The following NDUFA10 variants were observed in gnomAD, a reference collection of about 807,000 sequenced individuals.
The protein encoded by NDUFA10 is NADH dehydrogenase [ubiquinone] 1 alpha subcomplex subunit 10, mitochondrial.
In NDUFA10, 40 loss-of-function variants were observed where a neutral mutation model predicts 47.8. That is an observed-to-expected ratio of 0.84 (90% CI 0.65 to 1.09). The LOEUF (loss-of-function observed/expected upper bound fraction) is 1.09. Ranked by LOEUF, NDUFA10 falls within the 50% of genes least tolerant of loss-of-function variation. The pLI, the probability that NDUFA10 is intolerant of heterozygous loss-of-function variation, is 0.00. For synonymous variants in NDUFA10, 183 were observed against 172.2 expected, an observed-to-expected ratio of 1.06 and a Z score of -0.49; for missense variants, 413 against 451.1, an observed-to-expected ratio of 0.92 and a Z score of 0.76.
chr2:239,971,527 C>T (rs557437639), intron 9 of NDUFA10, among the ~76,000 whole-genome samples: 2 of 152,330 alleles, frequency 1.3e-5, no homozygotes, highest in South Asian at 2.1e-4. Context: ...ATCATTGATA[C>T]ACTTACTGAT....
At chr2:239,978,152 C>T (rs372954005) in intron 9 of NDUFA10, among the ~76,000 whole-genome samples, 17 of 152,304 alleles carry the variant, frequency 1.1e-4, no homozygotes, top group East Asian at 3.9e-4. Flanking sequence ...GCTCCATCAA[C>T]GGTCCCATTC....
At chr2:240,005,063 A>G (rs1301140540) in intron 8 of NDUFA10, 147 bp downstream of exon 8, 1 of 725,934 alleles carries the variant, frequency 1.4e-6, no homozygotes, top group African/African-American at 1.8e-5. Context: ...GGGATTCAGG[A>G]GCTGTTTGGA....
In NDUFA10 at chr2:239,981,997, T is replaced by C. The variant is rs1234919877; in HGVS notation, c.999+8077A>G. On this transcript the variant is annotated intron_variant, in intron 9 of 9. Coordinates refer to ENST00000252711, the MANE Select transcript of NDUFA10 (RefSeq NM_004544.4). ...ATGAAAAGGCATCCATGGCCTCCAC[T>C]TGCTCCAGGAAATAACCGGCTGCCA... 7 of 1,370,968 alleles carry C rather than the reference T, an allele frequency of 5.1e-6. No homozygotes were observed. In the East Asian group the frequency reaches 1.5e-4, roughly 29 times the overall value. 84.9% of individuals were successfully genotyped at this position (1,370,968 alleles called of 1,614,324 possible). A position where few individuals can be genotyped will look rare whatever the true frequency, so the allele number is the denominator to read the frequency against.
At chr2:240,017,484 G>A (rs1311207223) in intron 4 of NDUFA10, among the ~76,000 whole-genome samples, 1 of 152,162 alleles carries the variant, frequency 6.6e-6, no homozygotes, top group Non-Finnish European at 1.5e-5. Context: ...AAAGCACCCA[G>A]GAGTAATGCT....
intron 9 of NDUFA10, 68 bp downstream of exon 9, chr2:239,990,006 T>C: frequency 8.9e-7 from 1 of 1,127,498 alleles, no homozygotes; most frequent in South Asian, 1.2e-5. Context: ...TCTGGAGAAG[T>C]GACTGCATTG....
chr2:239,899,049 T>A lies in NDUFA10; in HGVS notation c.295-3735A>T, dbSNP rs1233527623. Among the ~76,000 whole-genome samples the A allele has an allele frequency of 4.5e-4, 19 of 41,848 alleles. 1 individual carries two copies. The highest frequency in any genetic ancestry group is 1.1e-3 in the East Asian group (1 of 890). 27.5% of individuals were successfully genotyped at this position (41,848 alleles called of 152,430 possible). On this transcript the variant is annotated intron_variant, in intron 4 of 5. Coordinates refer to the NDUFA10 transcript ENST00000419408. ...GGAGGGGTGTAAAGGAGGGGTGTGA[T>A]GGAGGAGTGTGATGGAGGGGTGTGA...
chr2:239,983,296 G>A (rs1167206417), intron 9 of NDUFA10, among the ~76,000 whole-genome samples: 2 of 152,116 alleles, frequency 1.3e-5, no homozygotes, highest in Non-Finnish European at 2.9e-5. Flanking sequence ...AAACCCAGAG[G>A]GGCTTTGTTC....
intron 5 of NDUFA10, chr2:240,013,366 T>C (rs1375015220): frequency 2.6e-5 from 4 of 152,194 alleles, no homozygotes; most frequent in Non-Finnish European, 5.9e-5. Flanking sequence ...ACTTTAGACC[T>C]CAGAATTATT....
At chr2:239,984,344 T>C (rs940195584) in intron 9 of NDUFA10, among the ~76,000 whole-genome samples, 1 of 152,226 alleles carries the variant, frequency 6.6e-6, no homozygotes, top group Non-Finnish European at 1.5e-5. Context: ...GGATGTGAGA[T>C]ATGAGAGCTC....
intron 4 of NDUFA10, among the ~76,000 whole-genome samples, chr2:239,935,843 G>A (rs1694257732): frequency 6.6e-6 from 1 of 152,306 alleles, no homozygotes; most frequent in Non-Finnish European, 1.5e-5. Context: ...GGCCTCCCCA[G>A]CCACATGGAA....
intron 4 of NDUFA10, among the ~76,000 whole-genome samples, chr2:239,926,370 C>A (rs1694066075): frequency 6.6e-6 from 1 of 152,152 alleles, no homozygotes; most frequent in Non-Finnish European, 1.5e-5. Flanking sequence ...ACAGTGGTCC[C>A]ATGAGACTAT....
chr2:239,950,782 C>T (rs75079441), intron 4 of NDUFA10, among the ~76,000 whole-genome samples: 5,247 of 152,260 alleles, frequency 0.034, 136 homozygotes, highest in African/African-American at 0.065. Flanking sequence ...GACCCCTGCT[C>T]GTGCCTGCAG....
intron 1 of NDUFA10, among the ~76,000 whole-genome samples, chr2:240,023,344 T>C (rs1247565136): frequency 6.6e-6 from 1 of 152,234 alleles, no homozygotes; most frequent in Non-Finnish European, 1.5e-5. Context: ...TCAACCTTGC[T>C]ACAAAAAAAC....
chr2:239,917,048 G>A (rs1034426821), intron 4 of NDUFA10, among the ~76,000 whole-genome samples: 32 of 152,308 alleles, frequency 2.1e-4, no homozygotes, highest in African/African-American at 4.3e-4. Context: ...TGTCACAGTC[G>A]CCGGCCAGAG....
rs906008511 is a variant in NDUFA10 at position 239,983,692 on chromosome 2, C to G, written c.999+6382G>C. ...ATGCTTCACCTCTGTGGATTCCTCC[C>G]CAAAACACACAGTCCAATCTAATCG... is the stretch of plus-strand genomic sequence containing the variant. On this transcript the variant is annotated intron_variant, in intron 9 of 9. Transcript: ENST00000252711. The G allele has an allele frequency of 8.3e-6, 13 of 1,573,152 alleles. No individual in the cohort carries two copies. The East Asian group carries it at 2.8e-4, about 34-fold the overall frequency.
At chr2:239,969,120 G>A (rs552335415) in intron 9 of NDUFA10, among the ~76,000 whole-genome samples, 16 of 152,296 alleles carry the variant, frequency 1.1e-4, no homozygotes, top group African/African-American at 2.6e-4. Flanking sequence ...ATCTCTCGGC[G>A]TATGAAACAG....
intron 4 of NDUFA10, among the ~76,000 whole-genome samples, chr2:239,941,262 G>T (rs1442532037): frequency 6.6e-6 from 1 of 152,186 alleles, no homozygotes; most frequent in East Asian, 1.9e-4. Context: ...GATCTCTCAA[G>T]CACAGGGAAT....
chr2:239,898,588 G>C (rs112506694), intron 4 of NDUFA10, among the ~76,000 whole-genome samples: 39 of 152,226 alleles, frequency 2.6e-4, no homozygotes, highest in African/African-American at 9.2e-4. Flanking sequence ...GGCAAGGAAC[G>C]CCTCTCCAGG....
chr2:239,999,466 GCATGCGGGTTCCC>G (rs949199596), intron 8 of NDUFA10, among the ~76,000 whole-genome samples: 1 of 152,110 alleles, frequency 6.6e-6, no homozygotes, highest in African/African-American at 2.4e-5. Context: ...CTGGTTCCCT[GCATGCGGGTTCCC>G]CATCCCCCTC....
Sources: allele counts gnomAD v4.1 joint callset (sites outside exome capture counted in the v4.1 genomes callset), GRCh38; gene constraint gnomAD v4.1.1; transcripts MANE v1.5; gene names NCBI Gene and HGNC (gene_info 2026-07-23, HGNC 2026-07-21).